Variants in ELMO1 observed in about 807,000 individuals in gnomAD.
ELMO1 encodes the protein engulfment and cell motility protein 1.
Under a neutral mutation model 98.9 loss-of-function variants are expected in ELMO1, and 26 were observed. The observed-to-expected ratio is 0.26, with a 90% CI of 0.19 to 0.36. The LOEUF is 0.36. ELMO1 is among the 10% of genes least tolerant of loss of function. The probability of loss-of-function intolerance (pLI) is 1.00; values close to 1 mark genes in which losing one functional copy is unlikely to be tolerated. For synonymous variants in ELMO1, 346 were observed against 346.0 expected, an observed-to-expected ratio of 1.00 and a Z score of 0.00; for missense variants, 627 against 935.2, an observed-to-expected ratio of 0.67 and a Z score of 4.30.
intron 15 of ELMO1, among the ~76,000 whole-genome samples, chr7:37,094,834 C>A (rs1019383500): frequency 6.6e-6 from 1 of 152,158 alleles, no homozygotes; most frequent in African/African-American, 2.4e-5. Flanking sequence ...GAGCACAGTG[C>A]GGTTTGTGAG....
chr7:37,393,646 C>A (rs1469537958), intron 1 of ELMO1, among the ~76,000 whole-genome samples: 1 of 152,138 alleles, frequency 6.6e-6, no homozygotes, highest in Non-Finnish European at 1.5e-5. Flanking sequence ...TGATTAGATT[C>A]AGGTTATGCA....
chr7:37,034,352 G>A (rs1795058660), intron 15 of ELMO1, among the ~76,000 whole-genome samples: 1 of 152,082 alleles, frequency 6.6e-6, no homozygotes, highest in Non-Finnish European at 1.5e-5. Context: ...CAGGCCCCAG[G>A]AACAAACCAA....
chr7:36,988,083 G>C (rs1280285935), intron 16 of ELMO1, among the ~76,000 whole-genome samples: 1 of 152,176 alleles, frequency 6.6e-6, no homozygotes, highest in African/African-American at 2.4e-5. Context: ...TGTTGGATTT[G>C]TACCTTCAAG....
At chr7:37,109,809 G>A (rs2129275182) in intron 14 of ELMO1, among the ~76,000 whole-genome samples, 2 of 152,244 alleles carry the variant, frequency 1.3e-5, no homozygotes, top group South Asian at 4.1e-4. Flanking sequence ...GTTAACTCTT[G>A]GACGCTTTCA....
intron 16 of ELMO1, among the ~76,000 whole-genome samples, chr7:36,996,897 G>A (rs547372800): frequency 7.2e-5 from 11 of 152,194 alleles, no homozygotes; most frequent in Non-Finnish European, 1.6e-4. Context: ...GCTGCTAGAC[G>A]TAATAGACAT....
At chr7:37,151,718 G>C (rs771208485) in intron 13 of ELMO1, among the ~76,000 whole-genome samples, 5 of 152,126 alleles carry the variant, frequency 3.3e-5, no homozygotes, top group Non-Finnish European at 7.4e-5. Context: ...AGGATAAAAA[G>C]ACAAGAGAGA....
chr7:37,236,398 G>A (rs868485225), intron 7 of ELMO1, among the ~76,000 whole-genome samples: 13 of 152,124 alleles, frequency 8.5e-5, no homozygotes, highest in Middle Eastern at 3.2e-3. Context: ...CCATTAGTGG[G>A]AATGATTGGT....
intron 13 of ELMO1, among the ~76,000 whole-genome samples, chr7:37,191,871 T>C (rs1234341091): frequency 2.6e-5 from 4 of 151,940 alleles, no homozygotes; most frequent in Non-Finnish European, 4.4e-5. Flanking sequence ...TGAGCCAAGA[T>C]CGCACCAGTG....
chr7:36,878,584 A>G (rs12531803), intron 18 of ELMO1, among the ~76,000 whole-genome samples: 16,708 of 152,210 alleles, frequency 0.11, 1,192 homozygotes, highest in Middle Eastern at 0.17. Flanking sequence ...GATACAACAA[A>G]CCCCTACCCT....
chr7:37,121,435 C>T (rs1786029266), intron 14 of ELMO1, among the ~76,000 whole-genome samples: 1 of 152,114 alleles, frequency 6.6e-6, no homozygotes, highest in African/African-American at 2.4e-5. Context: ...CTTAAAGGAC[C>T]TGATGGAGCT....
chr7:37,328,383 CAAAAAAAAAAAA>C (rs10669717), intron 2 of ELMO1, among the ~76,000 whole-genome samples: 2 of 64,854 alleles, frequency 3.1e-5, no homozygotes, highest in African/African-American at 1.2e-4. Context: ...GACCCTGCCA[CAAAAAAAAAAAA>C]AAAAAAAAAA....
intron 19 of ELMO1, among the ~76,000 whole-genome samples, chr7:36,873,907 G>A (rs1304300893): frequency 5.3e-5 from 8 of 152,266 alleles, no homozygotes. Flanking sequence ...AAAGGAAGTA[G>A]CTAGTAAGCC....
intron 6 of ELMO1, among the ~76,000 whole-genome samples, chr7:37,249,636 A>G (rs974482244): frequency 8.5e-5 from 13 of 152,250 alleles, no homozygotes; most frequent in Non-Finnish European, 1.8e-4. Context: ...AGAATGGTAA[A>G]GTATAAATTA....
At chr7:37,146,914 G>C (rs1398631900) in intron 13 of ELMO1, among the ~76,000 whole-genome samples, 1 of 152,208 alleles carries the variant, frequency 6.6e-6, no homozygotes, top group Admixed American at 6.5e-5. Flanking sequence ...ACCTGTTATG[G>C]TTCTCATCCT....
chr7:36,926,976 G>T (rs1785628210), intron 16 of ELMO1, among the ~76,000 whole-genome samples: 1 of 152,122 alleles, frequency 6.6e-6, no homozygotes, highest in African/African-American at 2.4e-5. Flanking sequence ...GTTCCTATGG[G>T]AATTGTCTCT....
chr7:37,242,400 A>G (rs1430956990), intron 7 of ELMO1, among the ~76,000 whole-genome samples: 2 of 152,192 alleles, frequency 1.3e-5, no homozygotes, highest in African/African-American at 4.8e-5. Flanking sequence ...GTTTTTAAAA[A>G]ACCTTCATCT....
intron 16 of ELMO1, among the ~76,000 whole-genome samples, chr7:36,993,189 G>GTC (rs1350616896): frequency 6.6e-6 from 1 of 152,122 alleles, no homozygotes. Context: ...GATCCAAGAG[G>GTC]TCTGTACAGA....
chr7:37,421,639 A>G (rs1400570742), intron 1 of ELMO1, among the ~76,000 whole-genome samples: 2 of 152,218 alleles, frequency 1.3e-5, no homozygotes, highest in Admixed American at 6.5e-5. Flanking sequence ...CAGCACATCA[A>G]TTCATTCCTG....
intron 1 of ELMO1, among the ~76,000 whole-genome samples, chr7:37,415,698 A>C (rs569630625): frequency 6.6e-6 from 1 of 152,256 alleles, no homozygotes; most frequent in Non-Finnish European, 1.5e-5. Flanking sequence ...TAATTAATGC[A>C]TGAAAAAATG....
Sources: allele counts gnomAD v4.1 joint callset (sites outside exome capture counted in the v4.1 genomes callset), GRCh38; gene constraint gnomAD v4.1.1; transcripts MANE v1.5; gene names NCBI Gene and HGNC (gene_info 2026-07-23, HGNC 2026-07-21).